The following OMD variants were observed in gnomAD, a reference collection of about 807,000 sequenced individuals.
OMD encodes KSPG osteomodulin.
A neutral mutation model predicts 31.2 loss-of-function variants in OMD; 19 were observed. That is an observed-to-expected ratio of 0.61 (90% CI 0.42 to 0.89). The LOEUF is 0.89. Among genes scored for constraint, OMD ranks in the 40% least tolerant of loss-of-function variants. The pLI is 0.00. For missense variants in OMD, 448 were observed against 490.8 expected (o/e 0.91, Z 0.82); for synonymous variants, 155 against 166.4 (o/e 0.93, Z 0.53).
At position 92,416,852 on chromosome 9, in the gene OMD, A is replaced by G. The variant is rs781234688; in HGVS notation, c.707T>C (p.Met236Thr). Reference protein sequence around the residue: ...SMPPGLPSSLMYLSLENNSIS... With the variant: ...SMPPGLPSSLTYLSLENNSIS... ...TGAATTATTTTCTAAAGACAGATAC[A>G]TAAGTGAAGAAGGCAAACCAGGAGG... Residue 236 changes from methionine (M) to threonine (T), a missense_variant, in exon 2 of 3, where the codon ATG becomes ACG. By Grantham distance (81) the Met-to-Thr change is moderately conservative (BLOSUM62 -1). Transcript: ENST00000375550. The G allele has an allele frequency of 4.3e-6, 7 of 1,613,838 alleles. No homozygotes were observed. Among genetic ancestry groups the G allele is most frequent in the Admixed American group, 1.7e-5 (1 of 60,014 alleles).
Position 92,413,773 on chromosome 9 carries a change from T to C in OMD, c.*1379A>G, listed in dbSNP as rs1843509403. ...GTTGATTAGACGAATGAATGGAGTT[T>C]TCTTCATATTCATCCTGGATTCTTG... On this transcript the variant is annotated 3_prime_UTR_variant, in exon 3 of 3. Coordinates refer to ENST00000375550, the MANE Select transcript of OMD (RefSeq NM_005014.3). 6.6e-6 allele frequency among the ~76,000 whole-genome samples: 1 copy of C among 152,222 alleles called. No individual in the cohort carries two copies. The highest frequency in any genetic ancestry group is 6.5e-5 in the Admixed American group (1 of 15,278).
At position 92,413,130 on chromosome 9, in the gene OMD, A is replaced by G. The variant is rs1321093894; in HGVS notation, c.*2022T>C. Among the ~76,000 whole-genome samples, 1 of 151,744 alleles carries G rather than the reference A, an allele frequency of 6.6e-6. No individual in the cohort carries two copies. The highest frequency in any genetic ancestry group is 2.4e-5 in the African/African-American group (1 of 41,292). On this transcript the variant is annotated 3_prime_UTR_variant, in exon 3 of 3. Coordinates refer to ENST00000375550, the MANE Select transcript of OMD (RefSeq NM_005014.3). Reference sequence around the variant, plus strand: ...CTCGCAAGTAGCCGGGATTACAGGCATGTGCCACCATGCCTGGCTAATTAT... The same window carrying G: ...CTCGCAAGTAGCCGGGATTACAGGCGTGTGCCACCATGCCTGGCTAATTAT...
intron 1 of OMD, among the ~76,000 whole-genome samples, chr9:92,421,896 C>A (rs1447600178): frequency 2.0e-5 from 3 of 152,020 alleles, no homozygotes; most frequent in Non-Finnish European, 2.9e-5. Context: ...CTCAGCCTTA[C>A]GGAGACAGGA....
Position 92,415,236 on chromosome 9 carries a change from A to T in OMD, c.1182T>A (p.Asp394Glu). ...GGCTCTCATGAGCATTGTCAGGATCATCGTGATCTTCACTTTCATCATCAT... is the reference window on the plus strand; with the variant it reads ...GGCTCTCATGAGCATTGTCAGGATCTTCGTGATCTTCACTTTCATCATCAT... Reference protein sequence around the residue: ...PDDDDESEDHDDPDNAHESPE... With the variant: ...PDDDDESEDHEDPDNAHESPE... Residue 394 changes from aspartate (D) to glutamate (E), a missense_variant, in exon 3 of 3, where the codon GAT becomes GAA. Coordinates refer to ENST00000375550, the MANE Select transcript of OMD (RefSeq NM_005014.3). 6.2e-7 allele frequency: 1 copy of T among 1,613,872 alleles called. No homozygotes were observed. The highest frequency in any genetic ancestry group is 8.5e-7 in the Non-Finnish European group (1 of 1,179,836).
chr9:92,422,130 A>C (rs1388403644), intron 1 of OMD, among the ~76,000 whole-genome samples: 1 of 151,852 alleles, frequency 6.6e-6, no homozygotes, highest in Non-Finnish European at 1.5e-5. Context: ...GGCTCACTGC[A>C]ACCTCCGCCT....
intron 1 of OMD, among the ~76,000 whole-genome samples, chr9:92,422,054 C>CTT (rs58510878): frequency 1.0e-4 from 15 of 146,202 alleles, no homozygotes; most frequent in Non-Finnish European, 1.4e-4. Context: ...AACATATTAA[C>CTT]TTTTTTTTTT....
chr9:92,418,073 T>C, intron 1 of OMD, among the ~76,000 whole-genome samples: 1 of 150,630 alleles, frequency 6.6e-6, no homozygotes, highest in East Asian at 2.0e-4. Flanking sequence ...GAGTTTTTTT[T>C]CTTTTTTCTT....
rs1372078828 is a variant in OMD at position 92,417,528 on chromosome 9, A to T, written c.31T>A (p.Phe11Ile). Reference protein sequence around the residue: MGFLSPIYVIFFFFGVKVHCQ... With the variant: MGFLSPIYVIIFFFGVKVHCQ... ...TGTACTTTGACTCCAAAAAAGAAGA[A>T]AATAACATATATTGGACTTAAAAAA... Residue 11 changes from phenylalanine (F) to isoleucine (I), a missense_variant, in exon 2 of 3, where the codon TTC (phenylalanine) becomes ATC (isoleucine). By Grantham distance (21) the Phe-to-Ile change is conservative. Transcript: ENST00000375550. 5.6e-6 allele frequency: 9 copies of T among 1,605,064 alleles called. No homozygotes were observed. Among genetic ancestry groups the T allele is most frequent in the Non-Finnish European group, 7.6e-6 (9 of 1,177,236 alleles).
rs769508554 is a variant in OMD at position 92,417,110 on chromosome 9, T to C, written c.449A>G (p.His150Arg). The change falls in exon 2 of 3, where the codon CAT becomes CGT. Residue 150 changes from histidine (H) to arginine (R), a missense_variant. By Grantham distance (29) the His-to-Arg change is conservative. Transcript: ENST00000375550. Reference protein sequence around the residue: ...LPNLLQLHLEHNNLEEFPFPL... With the variant: ...LPNLLQLHLERNNLEEFPFPL... ...AAATGGAAATTCTTCTAAATTATTA[T>C]GCTCTAGATGAAGTTGTAGTAGATT... The C allele has an allele frequency of 5.0e-6, 8 of 1,613,650 alleles. No individual in the cohort carries two copies. The Admixed American group carries it at 1.3e-4, about 27-fold the overall frequency.
Position 92,416,653 on chromosome 9 carries a change from C to G in OMD, c.906G>C (p.Leu302Phe). 1.0e-5 allele frequency: 16 copies of G among 1,600,756 alleles called. No homozygotes were observed. Among genetic ancestry groups the G allele is most frequent in the Non-Finnish European group, 1.4e-5 (16 of 1,175,148 alleles). ...CATTATTTTGTAGGTATAGGTGTTCCAAATTTCTTGGAATATAGAATGCTT... is the reference window on the plus strand; with the variant it reads ...CATTATTTTGTAGGTATAGGTGTTCGAAATTTCTTGGAATATAGAATGCTT... ...LKQAFYIPRN[L>F]EHLYLQNNEI... The change falls in exon 2 of 3, where the codon TTG becomes TTC. Residue 302 changes from leucine (L) to phenylalanine (F), a missense_variant. By Grantham distance (22) the Leu-to-Phe change is conservative (BLOSUM62 0). Transcript: ENST00000375550.
Position 92,424,256 on chromosome 9 carries a change from G to A in OMD, c.-71C>T, listed in dbSNP as rs894462210. The A allele has an allele frequency of 2.0e-5, 3 of 152,106 alleles. No individual in the cohort carries two copies. Among genetic ancestry groups the A allele is most frequent in the Non-Finnish European group, 4.4e-5 (3 of 68,030 alleles). 9.4% of individuals were successfully genotyped at this position (152,106 alleles called of 1,614,324 possible). ...TGATGAATTTGTAAATCCTTTAAAT[G>A]AATCAGAAATTCCTAAATTCTTTAA... On this transcript the variant is annotated 5_prime_UTR_variant, in exon 1 of 3. Coordinates refer to ENST00000375550, the MANE Select transcript of OMD (RefSeq NM_005014.3).
Position 92,414,760 on chromosome 9 carries a change from C to A in OMD, c.*392G>T. 1 of 224,404 alleles carries A rather than the reference C, an allele frequency of 4.5e-6. No homozygotes were observed. The highest frequency in any genetic ancestry group is 8.8e-6 in the Non-Finnish European group (1 of 113,158). 13.9% of individuals were successfully genotyped at this position (224,404 alleles called of 1,614,324 possible). A position where few individuals can be genotyped will look rare whatever the true frequency, so the allele number is the denominator to read the frequency against. On this transcript the variant is annotated 3_prime_UTR_variant, in exon 3 of 3. Coordinates refer to ENST00000375550, the MANE Select transcript of OMD (RefSeq NM_005014.3). ...CTTCCTGTCATTTAAATATTGTCCT[C>A]AGAGTGATCAAAAAGGTCATGGCCT...
Position 92,412,936 on chromosome 9 carries a change from A to G in OMD, c.*2216T>C, listed in dbSNP as rs1289907465. On this transcript the variant is annotated 3_prime_UTR_variant, in exon 3 of 3. Transcript: ENST00000375550. ...ATGTGTGTTCAGTTCTATTGGGTATATAGTTAGGAATGGAATCGCTGGGTT... is the reference window on the plus strand; with the variant it reads ...ATGTGTGTTCAGTTCTATTGGGTATGTAGTTAGGAATGGAATCGCTGGGTT... Among the ~76,000 whole-genome samples the G allele has an allele frequency of 1.5e-5, 2 of 137,036 alleles. No homozygotes were observed. Among genetic ancestry groups the G allele is most frequent in the South Asian group, 2.4e-4 (1 of 4,238 alleles). 89.9% of individuals were successfully genotyped at this position (137,036 alleles called of 152,430 possible). A position where few individuals can be genotyped will look rare whatever the true frequency, so the allele number is the denominator to read the frequency against.
intron 1 of OMD, among the ~76,000 whole-genome samples, chr9:92,419,474 T>C (rs1843720924): frequency 6.6e-6 from 1 of 151,982 alleles, no homozygotes; most frequent in Non-Finnish European, 1.5e-5. Flanking sequence ...CTAATTTTTG[T>C]ATTTTTAGTA....
At chr9:92,423,803 C>G (rs565413252) in intron 1 of OMD, among the ~76,000 whole-genome samples, 194 of 152,214 alleles carry the variant, frequency 1.3e-3, no homozygotes, top group Admixed American at 2.6e-3. Context: ...CATCAACCCC[C>G]CAACCGGAAT....
chr9:92,415,711 C>G (rs1307143657), intron 2 of OMD, among the ~76,000 whole-genome samples: 1 of 149,210 alleles, frequency 6.7e-6, no homozygotes, highest in African/African-American at 2.4e-5. Context: ...TAATAAATTC[C>G]TAGTAGAACA....
intron 2 of OMD, among the ~76,000 whole-genome samples, chr9:92,416,072 T>TATATATATATATATATATATATATA (rs368634649): frequency 1.6e-5 from 2 of 125,408 alleles, no homozygotes; most frequent in Non-Finnish European, 3.3e-5. Flanking sequence ...ATATATATAT[T>TATATATATATATATATATATATATA]TATTTATTTA....
Position 92,415,117 on chromosome 9 carries a change from G to A in OMD, c.*35C>T. ...ATTTACTATATTAAGTATAGGTTTT[G>A]TGAAGTCGTAAGTGTATACCTATAT... On this transcript the variant is annotated 3_prime_UTR_variant, in exon 3 of 3. Transcript: ENST00000375550. The A allele has an allele frequency of 2.0e-6, 3 of 1,470,722 alleles. No homozygotes were observed. The highest frequency in any genetic ancestry group is 2.8e-6 in the Non-Finnish European group (3 of 1,087,958). The allele number at this position is 1,470,722 out of a possible 1,614,324, so 91.1% of individuals were successfully genotyped here. A position where few individuals can be genotyped will look rare whatever the true frequency, so the allele number is the denominator to read the frequency against.
chr9:92,412,691 G>A lies in OMD; in HGVS notation c.*2461C>T, dbSNP rs72752461. Among the ~76,000 whole-genome samples the A allele has an allele frequency of 3.9e-5, 6 of 152,184 alleles. No individual in the cohort carries two copies. Among genetic ancestry groups the A allele is most frequent in the Admixed American group, 1.3e-4 (2 of 15,278 alleles). On this transcript the variant is annotated 3_prime_UTR_variant, in exon 3 of 3. Coordinates refer to ENST00000375550, the MANE Select transcript of OMD (RefSeq NM_005014.3). ...ATGTTGTAGCATATGTCAGTGCTTC[G>A]TTACTTTTTATTGCTGAATAATATT...
Sources: allele counts gnomAD v4.1 joint callset (sites outside exome capture counted in the v4.1 genomes callset), GRCh38; gene constraint gnomAD v4.1.1; transcripts MANE v1.5; gene names NCBI Gene and HGNC (gene_info 2026-07-23, HGNC 2026-07-21).